FHIT: variants seen among roughly 807,000 people sequenced by gnomAD.
The protein encoded by FHIT is bis(5'-adenosyl)-triphosphatase.
In FHIT, 19 loss-of-function variants were observed where a neutral mutation model predicts 17.9. The observed-to-expected ratio is 1.06, with a 90% confidence interval of 0.74 to 1.56. The LOEUF is 1.56. FHIT is among the 40% of genes most tolerant of loss of function. The pLI, the probability that FHIT is intolerant of heterozygous loss-of-function variation, is 0.00. For synonymous variants in FHIT, 81 were observed against 69.7 expected, an observed-to-expected ratio of 1.16 and a Z score of -0.81; for missense variants, 248 against 189.2, an observed-to-expected ratio of 1.31 and a Z score of -1.82.
chr3:60,328,772 A>AT (rs780403590), intron 5 of FHIT, among the ~76,000 whole-genome samples: 5 of 152,204 alleles, frequency 3.3e-5, no homozygotes, highest in Non-Finnish European at 5.9e-5. Context: ...CAAGCCAAAA[A>AT]TGTGTCTTGA....
In FHIT at chr3:60,147,568, G is replaced by C. The variant is rs139443813; in HGVS notation, c.104-133416C>G. ...AGACTCTGTGGCTTTATACTGCATA[G>C]GTCTTTCACTGCTTGGTCACAGAAT... is the stretch of plus-strand genomic sequence containing the variant. On this transcript the variant is annotated intron_variant, in intron 5 of 9. Transcript: ENST00000492590. 7.9e-4 allele frequency among the ~76,000 whole-genome samples: 121 copies of C among 152,214 alleles called. No homozygotes were observed. In the East Asian group the frequency reaches 0.016, roughly 20 times the overall value.
intron 3 of FHIT, among the ~76,000 whole-genome samples, chr3:60,917,322 C>T (rs1488353644): frequency 6.6e-6 from 1 of 152,244 alleles, no homozygotes; most frequent in African/African-American, 2.4e-5. Flanking sequence ...ACCATGCTTG[C>T]CTTCCCTGGC....
intron 2 of FHIT, among the ~76,000 whole-genome samples, chr3:61,080,967 T>C (rs1259771418): frequency 6.6e-6 from 1 of 152,184 alleles, no homozygotes; most frequent in Non-Finnish European, 1.5e-5. Flanking sequence ...CCAAACTTAG[T>C]AGGACTTTGT....
At chr3:60,771,285 A>ATC (rs369948623) in intron 4 of FHIT, among the ~76,000 whole-genome samples, 6 of 151,344 alleles carry the variant, frequency 4.0e-5, no homozygotes, top group South Asian at 2.1e-4. Flanking sequence ...AGTAATATTT[A>ATC]TCTCTCTCTC....
At chr3:60,232,822 C>G (rs1411186381) in intron 5 of FHIT, among the ~76,000 whole-genome samples, 1 of 152,302 alleles carries the variant, frequency 6.6e-6, no homozygotes, top group East Asian at 1.9e-4. Flanking sequence ...ACAGAGAGCT[C>G]ATTTTAAAGC....
At chr3:60,731,122 C>T (rs1247860966) in intron 4 of FHIT, among the ~76,000 whole-genome samples, 2 of 151,962 alleles carry the variant, frequency 1.3e-5, no homozygotes, top group Non-Finnish European at 2.9e-5. Flanking sequence ...TAGAGCGAGA[C>T]TCTGTCTCAA....
chr3:61,042,488 T>C (rs1254672925), intron 2 of FHIT, among the ~76,000 whole-genome samples: 1 of 152,146 alleles, frequency 6.6e-6, no homozygotes, highest in South Asian at 2.1e-4. Flanking sequence ...TATGGGTATA[T>C]GAGAATTGAT....
chr3:59,752,371 C>T (rs746385751), intron 8 of FHIT, 50 bp from the exon 9 acceptor site: 47 of 1,472,720 alleles, frequency 3.2e-5, no homozygotes, highest in Non-Finnish European at 3.4e-5. Flanking sequence ...CTTGGGATCT[C>T]CTTGAACAAA....
At chr3:60,068,679 C>T (rs554987459) in intron 5 of FHIT, among the ~76,000 whole-genome samples, 12 of 152,280 alleles carry the variant, frequency 7.9e-5, no homozygotes, top group Non-Finnish European at 7.3e-5. Context: ...TGATTTCATA[C>T]ACATCTAAAT....
At chr3:59,896,741 T>C (rs1575659160) in intron 8 of FHIT, among the ~76,000 whole-genome samples, 1 of 152,316 alleles carries the variant, frequency 6.6e-6, no homozygotes, top group Non-Finnish European at 1.5e-5. Flanking sequence ...AATTTAAGTG[T>C]GTTTTCCTTT....
chr3:59,788,322 G>C (rs960550283), intron 8 of FHIT, among the ~76,000 whole-genome samples: 1 of 152,136 alleles, frequency 6.6e-6, no homozygotes, highest in African/African-American at 2.4e-5. Flanking sequence ...TGGCTGGCCA[G>C]TCAACTCCCA....
intron 2 of FHIT, among the ~76,000 whole-genome samples, chr3:61,185,539 A>G (rs1179952578): frequency 6.6e-6 from 1 of 152,176 alleles, no homozygotes; most frequent in Non-Finnish European, 1.5e-5. Context: ...ATTCCAATCC[A>G]TCCCAGCCTA....
chr3:61,145,008 T>C (rs1255237359), intron 2 of FHIT, among the ~76,000 whole-genome samples: 1 of 152,202 alleles, frequency 6.6e-6, no homozygotes, highest in Non-Finnish European at 1.5e-5. Context: ...ACTTTTGTGA[T>C]GGTGTCATTT....
At chr3:60,533,167 G>C (rs1473555745) in intron 5 of FHIT, among the ~76,000 whole-genome samples, 2 of 152,118 alleles carry the variant, frequency 1.3e-5, no homozygotes, top group Admixed American at 1.3e-4. Context: ...AATTGTAATG[G>C]ACAAAGGATG....
At position 60,563,186 on chromosome 3, in the gene FHIT, C is replaced by T. The variant is rs17063530; in HGVS notation, c.-17-26207G>A. On this transcript the variant is annotated intron_variant, in intron 4 of 9. Coordinates refer to ENST00000492590, the MANE Select transcript of FHIT (RefSeq NM_002012.4). ...CTACAAAGGCGAGCCCGATGGGAAG[C>T]GGTAGGGACTTGAGTTGGTGAGGCA... Among the ~76,000 whole-genome samples, 1,020 of 152,176 alleles carry T rather than the reference C, an allele frequency of 6.7e-3. 5 individuals carry two copies. Among genetic ancestry groups the T allele is most frequent in the African/African-American group, 0.022 (930 of 41,516 alleles).
At chr3:60,618,626 C>T (rs1227680947) in intron 4 of FHIT, among the ~76,000 whole-genome samples, 3 of 152,094 alleles carry the variant, frequency 2.0e-5, no homozygotes, top group African/African-American at 4.8e-5. Context: ...CATGGCCACA[C>T]CTAAAGATGT....
At chr3:59,884,065 G>C (rs1046768027) in intron 8 of FHIT, among the ~76,000 whole-genome samples, 1 of 152,136 alleles carries the variant, frequency 6.6e-6, no homozygotes, top group Non-Finnish European at 1.5e-5. Context: ...CACCTGTTTT[G>C]TCAGTGACAT....
chr3:61,247,048 T>C (rs1400827609), intron 1 of FHIT, among the ~76,000 whole-genome samples: 1 of 142,580 alleles, frequency 7.0e-6, no homozygotes, highest in Non-Finnish European at 1.5e-5. Context: ...GGTTCTTCCC[T>C]GCCGAGAATA....
At chr3:60,052,090 G>A (rs1029812004) in intron 5 of FHIT, among the ~76,000 whole-genome samples, 12 of 152,242 alleles carry the variant, frequency 7.9e-5, no homozygotes, top group Non-Finnish European at 1.5e-4. Context: ...ACTACCCCAT[G>A]AGCCACTTGT....
Sources: allele counts gnomAD v4.1 joint callset (sites outside exome capture counted in the v4.1 genomes callset), GRCh38; gene constraint gnomAD v4.1.1; transcripts MANE v1.5; gene names NCBI Gene and HGNC (gene_info 2026-07-23, HGNC 2026-07-21).